The following YPEL2 variants were observed in gnomAD, a reference collection of about 807,000 sequenced individuals.
YPEL2 encodes the protein protein yippee-like 2.
A neutral mutation model predicts 19.1 loss-of-function variants in YPEL2; 2 were observed. The observed-to-expected ratio is 0.10, with a 90% CI of 0.04 to 0.33. The LOEUF (loss-of-function observed/expected upper bound fraction) is 0.33, where lower values mean the gene tolerates loss of function less well. Among genes scored for constraint, YPEL2 ranks in the 10% least tolerant of loss-of-function variants. The pLI is 1.00. For missense variants in YPEL2, 66 were observed against 140.7 expected, an observed-to-expected ratio of 0.47 and a Z score of 2.68; for synonymous variants, 52 against 50.0, an observed-to-expected ratio of 1.04 and a Z score of -0.17.
At chr17:59,337,003 G>A (rs2047701872) in intron 1 of YPEL2, among the ~76,000 whole-genome samples, 1 of 152,158 alleles carries the variant, frequency 6.6e-6, no homozygotes, top group Non-Finnish European at 1.5e-5. Flanking sequence ...GTGCCATTAT[G>A]TCAGCCCCTC....
chr17:59,358,875 T>C (rs547311363), intron 2 of YPEL2, among the ~76,000 whole-genome samples: 3 of 151,734 alleles, frequency 2.0e-5, no homozygotes, highest in East Asian at 3.9e-4. Context: ...CTTAAAGTGC[T>C]GGGATTACAG....
chr17:59,386,828 T>C (rs1598051346), intron 2 of YPEL2, among the ~76,000 whole-genome samples: 1 of 152,032 alleles, frequency 6.6e-6, no homozygotes, highest in African/African-American at 2.4e-5. Flanking sequence ...AAGGAGAGAA[T>C]TGGTTTGGGT....
chr17:59,360,162 C>T (rs935018658), intron 2 of YPEL2, among the ~76,000 whole-genome samples: 7 of 152,168 alleles, frequency 4.6e-5, no homozygotes, highest in Admixed American at 2.6e-4. Context: ...CTGCAAGCTC[C>T]GCTTCCCGGG....
chr17:59,356,759 C>G (rs976439135), intron 2 of YPEL2, among the ~76,000 whole-genome samples: 5 of 152,240 alleles, frequency 3.3e-5, no homozygotes, highest in African/African-American at 1.2e-4. Context: ...CCACCAGATT[C>G]AGTCTGGTGA....
intron 2 of YPEL2, among the ~76,000 whole-genome samples, chr17:59,371,376 CA>C (rs1387005587): frequency 1.3e-5 from 2 of 152,242 alleles, no homozygotes; most frequent in African/African-American, 4.8e-5. Flanking sequence ...TGCCTGTCCC[CA>C]ATCCTCCACT....
At chr17:59,387,992 C>T (rs953809366) in intron 2 of YPEL2, among the ~76,000 whole-genome samples, 5 of 152,118 alleles carry the variant, frequency 3.3e-5, no homozygotes, top group African/African-American at 9.7e-5. Context: ...GACCAGGAAA[C>T]GCCAATGCGG....
intron 1 of YPEL2, among the ~76,000 whole-genome samples, chr17:59,335,419 A>G (rs919361015): frequency 3.3e-5 from 5 of 151,634 alleles, no homozygotes; most frequent in Admixed American, 2.0e-4. Flanking sequence ...TCTCTTACCA[A>G]TCCCCAACCT....
At chr17:59,396,093 A>G (rs2048037947) in intron 4 of YPEL2, among the ~76,000 whole-genome samples, 2 of 152,096 alleles carry the variant, frequency 1.3e-5, no homozygotes, top group African/African-American at 4.8e-5. Context: ...AATAATAATA[A>G]ATAAAATTAG....
At chr17:59,369,260 A>G (rs1378907188) in intron 2 of YPEL2, among the ~76,000 whole-genome samples, 2 of 152,362 alleles carry the variant, frequency 1.3e-5, no homozygotes, top group South Asian at 4.1e-4. Context: ...TGAAGGTGGA[A>G]ATAAGTAGCT....
intron 2 of YPEL2, among the ~76,000 whole-genome samples, chr17:59,364,452 T>C (rs1196072304): frequency 1.3e-5 from 2 of 152,160 alleles, no homozygotes; most frequent in African/African-American, 4.8e-5. Flanking sequence ...TTAGACTGTC[T>C]TTAAAGTTCC....
chr17:59,383,517 G>T (rs1158142242), intron 2 of YPEL2, among the ~76,000 whole-genome samples: 3 of 132,126 alleles, frequency 2.3e-5, no homozygotes, highest in Non-Finnish European at 4.7e-5. Context: ...AGAATGGTAT[G>T]AGCCTGGGAG....
intron 1 of YPEL2, among the ~76,000 whole-genome samples, chr17:59,347,125 G>A (rs1214352103): frequency 6.6e-6 from 1 of 152,302 alleles, no homozygotes; most frequent in East Asian, 1.9e-4. Flanking sequence ...AGGCACATAT[G>A]CTGAATACTT....
At chr17:59,375,773 C>T (rs995615338) in intron 2 of YPEL2, among the ~76,000 whole-genome samples, 1 of 152,082 alleles carries the variant, frequency 6.6e-6, no homozygotes, top group African/African-American at 2.4e-5. Context: ...TAAATTTAGG[C>T]GATTGCTAAG....
chr17:59,395,020 G>C (rs4578726), intron 4 of YPEL2, among the ~76,000 whole-genome samples: 3,023 of 152,354 alleles, frequency 0.02, 104 homozygotes, highest in African/African-American at 0.068. Context: ...GGAGGTTGCA[G>C]TGAGTCGAGA....
rs371923857 is a variant in YPEL2 at position 59,339,937 on chromosome 17, C to A, written c.-196+8113C>A. Among the ~76,000 whole-genome samples the A allele has an allele frequency of 9.2e-4, 140 of 152,174 alleles. 3 individuals are homozygous for A. In the South Asian group the frequency reaches 0.028, roughly 31 times the overall value. The stretch of plus-strand genomic sequence containing the variant: ...TCTCTCTCCCAAACTGCCCCCACTT[C>A]CTACCTTCCTCCAACCAAGGCTTAC... On this transcript the variant is annotated intron_variant, in intron 1 of 4. Coordinates refer to ENST00000312655, the MANE Select transcript of YPEL2 (RefSeq NM_001005404.4).
chr17:59,371,116 C>G (rs1018048715), intron 2 of YPEL2, among the ~76,000 whole-genome samples: 1 of 152,156 alleles, frequency 6.6e-6, no homozygotes, highest in African/African-American at 2.4e-5. Flanking sequence ...TGGGCTCTGG[C>G]TGGTGTTAAG....
At chr17:59,369,758 A>G (rs1209866920) in intron 2 of YPEL2, among the ~76,000 whole-genome samples, 5 of 152,146 alleles carry the variant, frequency 3.3e-5, no homozygotes, top group Non-Finnish European at 2.9e-5. Flanking sequence ...AGCACTTTAC[A>G]CTTGTAGTAG....
Position 59,391,849 on chromosome 17 carries a change from G to A in YPEL2, c.270+2381G>A, listed in dbSNP as rs145322595. Among the ~76,000 whole-genome samples the A allele has an allele frequency of 3.5e-3, 537 of 152,082 alleles. 1 individual carries two copies. Among genetic ancestry groups the A allele is most frequent in the African/African-American group, 0.012 (514 of 41,482 alleles). On this transcript the variant is annotated intron_variant, in intron 4 of 4. Transcript: ENST00000312655. ...CAGGAGGCGGAGGTTGCAGTGAGCC[G>A]AGATCATGCCATTGCACTCCAGCCT...
intron 2 of YPEL2, among the ~76,000 whole-genome samples, chr17:59,366,829 T>C (rs1394732458): frequency 1.3e-5 from 2 of 152,132 alleles, no homozygotes; most frequent in Non-Finnish European, 2.9e-5. Context: ...TTTTTGAAGC[T>C]CGAAGCCCCC....
Sources: gnomAD v4.1 joint callset for allele counts (sites outside exome capture counted in the v4.1 genomes callset) on GRCh38, gnomAD v4.1.1 for gene constraint, MANE v1.5 for transcripts, NCBI Gene and HGNC (gene_info 2026-07-23, HGNC 2026-07-21) for gene names.